Variants in ARHGAP21 observed in about 807,000 individuals in gnomAD.
The protein encoded by ARHGAP21 is Rho GTPase activating protein 21, also known as rho GTPase-activating protein 21.
ARHGAP21 carries 38 observed loss-of-function variants against 164.6 expected under a neutral mutation model. The ratio of observed to expected loss-of-function variants is 0.23; its 90% CI spans 0.18 to 0.30. ARHGAP21 has a LOEUF of 0.30. Among genes scored for constraint, ARHGAP21 ranks in the 10% least tolerant of loss-of-function variants. ARHGAP21 has a pLI of 1.00. For missense variants in ARHGAP21, 1,822 were observed against 2,370.7 expected, an observed-to-expected ratio of 0.77 and a Z score of 4.81; for synonymous variants, 766 against 857.9, an observed-to-expected ratio of 0.89 and a Z score of 1.87.
chr10:24,721,702 G>A, intron 2 of ARHGAP21, 135 bp downstream of exon 2: 2 of 941,358 alleles, frequency 2.1e-6, no homozygotes, highest in East Asian at 2.6e-5. Flanking sequence ...TGGTTAAGCT[G>A]GGGCGCTCCC....
intron 7 of ARHGAP21, among the ~76,000 whole-genome samples, chr10:24,628,672 T>C (rs1466219611): frequency 6.6e-6 from 1 of 151,474 alleles, no homozygotes; most frequent in Non-Finnish European, 1.5e-5. Flanking sequence ...GTTGTAAGTA[T>C]GTTACTTAAA....
chr10:24,615,200 C>CA (rs768376888), intron 9 of ARHGAP21, among the ~76,000 whole-genome samples: 6 of 151,630 alleles, frequency 4.0e-5, no homozygotes, highest in Admixed American at 2.6e-4. Context: ...CAAAAACAAA[C>CA]AAAAAAAACT....
chr10:24,720,340 A>T (rs536959005), intron 2 of ARHGAP21, among the ~76,000 whole-genome samples: 17 of 152,290 alleles, frequency 1.1e-4, no homozygotes, highest in African/African-American at 3.4e-4. Flanking sequence ...CAAGACAATG[A>T]CAAATAAGGC....
intron 4 of ARHGAP21, among the ~76,000 whole-genome samples, chr10:24,660,328 G>A (rs1274128055): frequency 3.8e-5 from 5 of 130,092 alleles, no homozygotes; most frequent in Non-Finnish European, 6.2e-5. Flanking sequence ...AGGCTGCAGT[G>A]AGCTATCATC....
intron 2 of ARHGAP21, among the ~76,000 whole-genome samples, chr10:24,695,032 C>G (rs1304903049): frequency 2.7e-5 from 2 of 73,300 alleles, no homozygotes; most frequent in African/African-American, 1.0e-4. Flanking sequence ...GCCTGGGTAA[C>G]AGAGCAAAAT....
At chr10:24,607,702 C>T (rs530711500) in intron 10 of ARHGAP21, 43 bp downstream of exon 10, 2 of 1,611,284 alleles carry the variant, frequency 1.2e-6, no homozygotes, top group African/African-American at 2.7e-5. Context: ...AAGTGGAAAA[C>T]AGAGCATGAG....
Position 24,584,847 on chromosome 10 carries a change from G to C in ARHGAP21, c.5442C>G (p.Ser1814Arg), listed in dbSNP as rs529447756. Residue 1814 changes from serine (S) to arginine (R), a missense_variant, in exon 26 of 26, where the codon AGC becomes AGG. Physicochemically the swap from Ser to Arg is moderately radical, Grantham distance 110. Transcript: ENST00000396432. ...CATGCACTTTCCAAAAATTCAAAAC[G>C]CTGATTTCGGTAGCATCTCTGTGCC... ...LGGHRDATEI[S>R]VLNFWKVHEQ... 1 of 1,613,920 alleles carries C rather than the reference G, an allele frequency of 6.2e-7. No individual in the cohort carries two copies. Among genetic ancestry groups the C allele is most frequent in the Admixed American group, 1.7e-5 (1 of 60,006 alleles).
chr10:24,591,513 T>C, intron 23 of ARHGAP21, 129 bp downstream of exon 23: 1 of 1,261,874 alleles, frequency 7.9e-7, no homozygotes, highest in African/African-American at 1.5e-5. Context: ...GATCAGAAAC[T>C]GAGCTAGAGA....
chr10:24,625,063 GGAGGA>G (rs1172748377), intron 7 of ARHGAP21, among the ~76,000 whole-genome samples: 1 of 42,460 alleles, frequency 2.4e-5, no homozygotes, highest in African/African-American at 9.5e-5. Flanking sequence ...GGGGGGGGGG[GGAGGA>G]GGAGGAGGAA....
At chr10:24,686,774 A>G (rs1462505801) in intron 2 of ARHGAP21, among the ~76,000 whole-genome samples, 2 of 152,256 alleles carry the variant, frequency 1.3e-5, no homozygotes, top group East Asian at 3.8e-4. Flanking sequence ...ACATCCCTGC[A>G]GATGAGTTAT....
In ARHGAP21 at chr10:24,633,324, T is replaced by C. The variant is rs1240719253; in HGVS notation, c.440+78A>G. ...TTGTCACCACAATTCCTTGTAAGAA[T>C]AGAAGATTGTATTAAATCTATGTGC... On this transcript the variant is annotated intron_variant, in intron 6 of 25. Transcript: ENST00000396432. 5.9e-6 allele frequency: 6 copies of C among 1,020,190 alleles called. 1 individual carries two copies. The highest frequency in any genetic ancestry group is 4.9e-5 in the African/African-American group (3 of 61,844). The allele number at this position is 1,020,190 out of a possible 1,614,324, so 63.2% of individuals were successfully genotyped here.
intron 2 of ARHGAP21, among the ~76,000 whole-genome samples, chr10:24,706,355 T>A (rs1844224545): frequency 6.6e-6 from 1 of 152,180 alleles, no homozygotes. Context: ...ATTTATCACA[T>A]TAAACAGGTA....
chr10:24,607,410 G>T (rs1592999988), intron 11 of ARHGAP21, 89 bp downstream of exon 11: 2 of 1,057,966 alleles, frequency 1.9e-6, no homozygotes, highest in East Asian at 2.5e-5. Flanking sequence ...GAAAACATAA[G>T]ACATCATTAA....
chr10:24,641,131 CTT>C (rs765946327), intron 4 of ARHGAP21, among the ~76,000 whole-genome samples: 37 of 152,094 alleles, frequency 2.4e-4, no homozygotes, highest in Non-Finnish European at 3.5e-4. Flanking sequence ...AGGCTTCTAA[CTT>C]TTATTTTGGG....
At chr10:24,592,961 A>T (rs1592938893) in intron 21 of ARHGAP21, among the ~76,000 whole-genome samples, 1 of 152,154 alleles carries the variant, frequency 6.6e-6, no homozygotes, top group Non-Finnish European at 1.5e-5. Context: ...CTTGTATAAT[A>T]ATTATCAGAT....
intron 2 of ARHGAP21, among the ~76,000 whole-genome samples, chr10:24,676,277 A>T (rs1166029419): frequency 6.6e-6 from 1 of 152,202 alleles, no homozygotes; most frequent in South Asian, 2.1e-4. Context: ...TTTTGAGTCT[A>T]TCTCTTTTTT....
In ARHGAP21 at chr10:24,664,415, C is replaced by T. The variant is rs537996411; in HGVS notation, c.268+2570G>A. Among the ~76,000 whole-genome samples the T allele has an allele frequency of 3.3e-5, 5 of 151,862 alleles. No homozygotes were observed. In the South Asian group the frequency reaches 6.3e-4, roughly 19 times the overall value. On this transcript the variant is annotated intron_variant, in intron 4 of 25. Coordinates refer to ENST00000396432, the MANE Select transcript of ARHGAP21 (RefSeq NM_020824.4). ...ACTAAAAATACAAAAATTAGCTGGG[C>T]GTGGTGGCGTGCGCTTTTAGTCCCA...
At chr10:24,710,910 A>G (rs1008462106) in intron 2 of ARHGAP21, among the ~76,000 whole-genome samples, 4 of 151,974 alleles carry the variant, frequency 2.6e-5, no homozygotes, top group Admixed American at 2.0e-4. Flanking sequence ...CATGGCCAAC[A>G]TGGCGAAACC....
chr10:24,641,475 A>G (rs937064135), intron 4 of ARHGAP21, among the ~76,000 whole-genome samples: 3 of 152,140 alleles, frequency 2.0e-5, no homozygotes, highest in African/African-American at 7.2e-5. Flanking sequence ...CCCAAACCCA[A>G]ATTCCAATAA....
Sources: gnomAD v4.1 joint callset for allele counts (sites outside exome capture counted in the v4.1 genomes callset) on GRCh38, gnomAD v4.1.1 for gene constraint, MANE v1.5 for transcripts, NCBI Gene and HGNC (gene_info 2026-07-23, HGNC 2026-07-21) for gene names.